The following KCTD5 variants were observed in gnomAD, a reference collection of about 807,000 sequenced individuals.
KCTD5 encodes the protein potassium channel tetramerization domain containing 5.
Under a neutral mutation model 27.9 loss-of-function variants are expected in KCTD5, and 12 were observed. That is an observed-to-expected ratio of 0.43 (90% CI 0.28 to 0.70). The LOEUF (loss-of-function observed/expected upper bound fraction) is 0.70, where lower values mean the gene tolerates loss of function less well. KCTD5 is among the 30% of genes least tolerant of loss of function. The pLI is 0.19. For synonymous variants in KCTD5, 147 were observed against 121.4 expected (o/e 1.21, Z -1.39); for missense variants, 226 against 274.8 (o/e 0.82, Z 1.26).
At chr16:2,683,922 A>G (rs1213023728) in intron 1 of KCTD5, 1 of 146,128 alleles carries the variant, frequency 6.8e-6, no homozygotes, top group African/African-American at 2.6e-5. Context: ...GTTACTGCTA[A>G]GGCAGCCTTG....
At chr16:2,685,380 T>G (rs912950135) in intron 1 of KCTD5, among the ~76,000 whole-genome samples, 1 of 151,874 alleles carries the variant, frequency 6.6e-6, no homozygotes, top group African/African-American at 2.4e-5. Flanking sequence ...TGGGCTGAGG[T>G]TGCGCCACTG....
chr16:2,688,718 C>A (rs1443662393), intron 1 of KCTD5, among the ~76,000 whole-genome samples: 2 of 101,896 alleles, frequency 2.0e-5, no homozygotes, highest in African/African-American at 8.1e-5. Flanking sequence ...CCCCTGCTGC[C>A]ACCCAGAGCT....
chr16:2,682,569 G>A lies in KCTD5; in HGVS notation c.21G>A (p.Glu7=), dbSNP rs781123652. The A allele has an allele frequency of 4.9e-6, 7 of 1,414,616 alleles. No homozygotes were observed. The highest frequency in any genetic ancestry group is 1.5e-5 in the African/African-American group (1 of 66,796). 87.6% of individuals were successfully genotyped at this position (1,414,616 alleles called of 1,614,324 possible). A position where few individuals can be genotyped will look rare whatever the true frequency, so the allele number is the denominator to read the frequency against. MAENHC[E]LLSPARGGIG... ...GGATCATGGCGGAGAATCACTGCGA[G>A]CTCCTGTCGCCGGCCCGGGGCGGCA... Residue 7 remains glutamate (E), a synonymous_variant, in exon 1 of 6, where the codon GAG becomes GAA. Transcript: ENST00000301738.
intron 1 of KCTD5, among the ~76,000 whole-genome samples, chr16:2,687,083 G>A (rs2067542706): frequency 2.0e-5 from 3 of 152,190 alleles, no homozygotes. Flanking sequence ...GGTGCTGGGG[G>A]CTCCCCGCTC....
At chr16:2,692,615 C>T (rs1031139109) in intron 1 of KCTD5, among the ~76,000 whole-genome samples, 4 of 152,242 alleles carry the variant, frequency 2.6e-5, no homozygotes, top group Non-Finnish European at 4.4e-5. Context: ...GGTTCATGGG[C>T]AGGCCCGGAA....
At chr16:2,705,563 C>T (rs954797682) in intron 5 of KCTD5, among the ~76,000 whole-genome samples, 2 of 152,140 alleles carry the variant, frequency 1.3e-5, no homozygotes, top group Non-Finnish European at 2.9e-5. Flanking sequence ...AGGACCAGTG[C>T]GGCAGACAGC....
At chr16:2,699,656 C>T (rs552111131) in intron 3 of KCTD5, among the ~76,000 whole-genome samples, 165 bp from the exon 4 acceptor site, 84 of 152,298 alleles carry the variant, frequency 5.5e-4, no homozygotes, top group African/African-American at 1.4e-4. Flanking sequence ...CTGTTCGGGC[C>T]GCGTGTTTTG....
At chr16:2,703,051 C>T (rs963581816) in intron 5 of KCTD5, among the ~76,000 whole-genome samples, 6 of 152,284 alleles carry the variant, frequency 3.9e-5, no homozygotes, top group African/African-American at 7.2e-5. Flanking sequence ...CTGGCAGCAC[C>T]GGCGCAGACT....
Position 2,702,356 on chromosome 16 carries a change from G to A in KCTD5, c.553G>A (p.Val185Ile). The change falls in exon 5 of 6, where the codon GTC becomes ATC. Residue 185 changes from valine to isoleucine, a missense_variant. Around this residue, in one of 2 missense-constraint regions of KCTD5, gnomAD observed 135 missense variants for 207.0 expected, o/e 0.65. Transcript: ENST00000301738. ...MSDGWKFEQL[V>I]SIGSSYNYGN... ...CTCAGGCTATGTCTCCTTGCAGTTG[G>A]TCAGCATCGGCTCCTCTTACAACTA... The A allele has an allele frequency of 6.2e-7, 1 of 1,613,514 alleles. No homozygotes were observed. The highest frequency in any genetic ancestry group is 8.5e-7 in the Non-Finnish European group (1 of 1,179,946).
chr16:2,682,746 G>A lies in KCTD5; in HGVS notation c.198G>A (p.Pro66=), dbSNP rs780283657. ...LTTRQTLCRD[P]KSFLYRLCQA... is the part of the protein sequence containing the mutation. ...CTCGGCAGACCCTGTGCCGGGACCC[G>A]AAATCCTTCCTGTACCGCTTATGCC... Residue 66 remains proline, a synonymous_variant, in exon 1 of 6, where the codon CCG becomes CCA. Transcript: ENST00000301738. The A allele has an allele frequency of 1.9e-6, 3 of 1,609,596 alleles. No individual in the cohort carries two copies. Among genetic ancestry groups the A allele is most frequent in the South Asian group, 1.1e-5 (1 of 90,420 alleles).
chr16:2,706,468 G>A (rs1245071306), intron 5 of KCTD5, among the ~76,000 whole-genome samples: 1 of 152,162 alleles, frequency 6.6e-6, no homozygotes, highest in Non-Finnish European at 1.5e-5. Flanking sequence ...TCGGGAGCGT[G>A]GGGTGATTTC....
intron 1 of KCTD5, among the ~76,000 whole-genome samples, chr16:2,688,614 C>T (rs2067553318): frequency 7.1e-6 from 1 of 141,186 alleles, no homozygotes; most frequent in African/African-American, 2.7e-5. Flanking sequence ...TTAATGTCGA[C>T]CTCTGGCCAC....
At position 2,703,796 on chromosome 16, in the gene KCTD5, G is replaced by C. The variant is rs376275154; in HGVS notation, c.675+1318G>C. Among the ~76,000 whole-genome samples the C allele has an allele frequency of 3.3e-5, 5 of 152,288 alleles. No homozygotes were observed. The East Asian group carries it at 7.7e-4, about 24-fold the overall frequency. ...GCAGTGTAGGCTGGGGCAGGCCCTG[G>C]TGTGGGACAGCCGGGGTGGAAGCTG... On this transcript the variant is annotated intron_variant, in intron 5 of 5. Transcript: ENST00000301738.
intron 5 of KCTD5, among the ~76,000 whole-genome samples, chr16:2,703,507 A>C (rs1294233663): frequency 6.6e-6 from 1 of 151,512 alleles, no homozygotes; most frequent in Non-Finnish European, 1.5e-5. Context: ...GCAACCGCAG[A>C]CTCTTGGCTG....
chr16:2,691,694 G>C (rs751716551), intron 1 of KCTD5, among the ~76,000 whole-genome samples: 1 of 152,214 alleles, frequency 6.6e-6, no homozygotes, highest in Non-Finnish European at 1.5e-5. Flanking sequence ...CGGCTGGCAG[G>C]TTCTTGGTAG....
chr16:2,688,246 T>C (rs1294128814), intron 1 of KCTD5, among the ~76,000 whole-genome samples: 5 of 71,058 alleles, frequency 7.0e-5, no homozygotes, highest in Admixed American at 6.3e-4. Flanking sequence ...TATATATATA[T>C]TTATTTATTT....
intron 1 of KCTD5, among the ~76,000 whole-genome samples, chr16:2,687,360 C>T (rs781615294): frequency 3.9e-5 from 6 of 152,322 alleles, no homozygotes; most frequent in Middle Eastern, 3.4e-3. Flanking sequence ...ATTCTCGCCT[C>T]CAGACTTCTG....
At chr16:2,702,589 C>A in intron 5 of KCTD5, 111 bp downstream of exon 5, 1 of 1,411,666 alleles carries the variant, frequency 7.1e-7, no homozygotes, top group South Asian at 1.4e-5. Flanking sequence ...GTGTCCGCCC[C>A]TGGTGGCCTT....
intron 3 of KCTD5, among the ~76,000 whole-genome samples, chr16:2,698,593 GC>G (rs973174400): frequency 8.5e-5 from 10 of 117,164 alleles, no homozygotes; most frequent in East Asian, 4.8e-4. Context: ...AGCTGAGCCC[GC>G]CCCCCCCACC....
Sources: gnomAD v4.1 joint callset for allele counts (sites outside exome capture counted in the v4.1 genomes callset) on GRCh38, gnomAD v4.1.1 for gene constraint, gnomAD v4.1.1 regional missense constraint, MANE v1.5 for transcripts, NCBI Gene and HGNC (gene_info 2026-07-23, HGNC 2026-07-21) for gene names.